Variants in LRGUK observed in about 807,000 individuals in gnomAD.
LRGUK encodes leucine rich repeats and guanylate kinase domain containing.
Under a neutral mutation model 76.0 loss-of-function variants are expected in LRGUK, and 65 were observed. That is an observed-to-expected ratio of 0.85 (90% CI 0.70 to 1.05). LRGUK has a LOEUF of 1.05. Among genes scored for constraint, LRGUK ranks in the 50% least tolerant of loss-of-function variants. The pLI, the probability that LRGUK is intolerant of heterozygous loss-of-function variation, is 0.00. For synonymous variants in LRGUK, 268 were observed against 265.6 expected (o/e 1.01, Z -0.09); for missense variants, 758 against 732.8 (o/e 1.03, Z -0.40).
rs1421274423 is a variant in LRGUK at position 134,183,735 on chromosome 7, A to G, written c.1216A>G (p.Thr406Ala). ...ACTGACTCTGGTCCTGTGTTGTAGCACTCTTCCCAGCCTGGATGCCCCTTA... is the reference window on the plus strand; with the variant it reads ...ACTGACTCTGGTCCTGTGTTGTAGCGCTCTTCCCAGCCTGGATGCCCCTTA... Residue 406 changes from threonine (T) to alanine (A), a missense_variant and splice_region_variant, in exon 11 of 16, where the codon ACT (threonine) becomes GCT (alanine). Physicochemically the swap from Thr to Ala is moderately conservative, Grantham distance 58. Coordinates refer to ENST00000645682, the Ensembl canonical transcript of LRGUK. The G allele has an allele frequency of 1.9e-6, 3 of 1,613,546 alleles. No individual in the cohort carries two copies. In the African/African-American group the frequency reaches 4.0e-5, roughly 22 times the overall value.
At position 134,148,332 on chromosome 7, in the gene LRGUK, T is replaced by G. The variant is rs770335848; in HGVS notation, c.670+13T>G. 3 of 1,465,990 alleles carry G rather than the reference T, an allele frequency of 2.0e-6. No individual in the cohort carries two copies. The South Asian group carries it at 3.6e-5, about 18-fold the overall frequency. The allele number at this position is 1,465,990 out of a possible 1,614,324, so 90.8% of individuals were successfully genotyped here. A position where few individuals can be genotyped will look rare whatever the true frequency, so the allele number is the denominator to read the frequency against. On this transcript the variant is annotated intron_variant, in intron 5 of 15. Coordinates refer to ENST00000645682, the Ensembl canonical transcript of LRGUK. ...CTAATTTTGGATGGTATCCTTTGAA[T>G]AAGTAAAGGGGAAAATTTTAAAAAC...
At chr7:134,273,614 A>G in the LRGUK span, among the ~76,000 whole-genome samples, 2 of 151,890 alleles carry the variant, frequency 1.3e-5, no homozygotes, top group South Asian at 2.1e-4. Context: ...ATTTTGGCAA[A>G]TTTTTTAATT....
At chr7:134,136,720 A>G (rs1797554379) in intron 1 of LRGUK, among the ~76,000 whole-genome samples, 3 of 152,200 alleles carry the variant, frequency 2.0e-5, no homozygotes. Flanking sequence ...GAACCCCTCA[A>G]TCAATACCAC....
Position 134,148,158 on chromosome 7 carries a change from T to G in LRGUK, c.589-80T>G. ...TCTAACTCTACATTCAAAAATACCT[T>G]CTTCTTGCACAGTTAATTATTGTGG... On this transcript the variant is annotated intron_variant, in intron 4 of 15. Coordinates refer to ENST00000645682, the Ensembl canonical transcript of LRGUK. 5.7e-6 allele frequency: 5 copies of G among 874,796 alleles called. No individual in the cohort carries two copies. The South Asian group carries it at 7.4e-5, about 13-fold the overall frequency. The allele number at this position is 874,796 out of a possible 1,614,324, so 54.2% of individuals were successfully genotyped here. A position where few individuals can be genotyped will look rare whatever the true frequency, so the allele number is the denominator to read the frequency against.
intron 19 of LRGUK, 148 bp downstream of exon 19, chr7:134,258,553 G>T (rs1259809226): frequency 1.5e-6 from 1 of 676,492 alleles, no homozygotes; most frequent in African/African-American, 1.8e-5. Context: ...CAAAAAATTG[G>T]CCAGGTGTGG....
chr7:134,129,675 A>G (rs1357253152), intron 1 of LRGUK, among the ~76,000 whole-genome samples: 1 of 151,306 alleles, frequency 6.6e-6, no homozygotes, highest in Non-Finnish European at 1.5e-5. Context: ...GGGCCTTGCC[A>G]TATTGCCTAG....
intron 11 of LRGUK, among the ~76,000 whole-genome samples, chr7:134,185,073 C>T (rs1032709910): frequency 8.5e-5 from 13 of 152,190 alleles, no homozygotes; most frequent in African/African-American, 2.9e-4. Context: ...GCAAGTTTTT[C>T]TTTTTCTTTC....
chr7:134,213,134 C>G (rs538642898), downstream of LRGUK, among the ~76,000 whole-genome samples: 1 of 152,102 alleles, frequency 6.6e-6, no homozygotes, highest in Admixed American at 6.6e-5. Context: ...TCTAAGGACC[C>G]GAATGCCAGG....
the LRGUK span, among the ~76,000 whole-genome samples, chr7:134,273,124 C>T: frequency 2.6e-5 from 4 of 152,160 alleles, no homozygotes; most frequent in Non-Finnish European, 4.4e-5. Context: ...ACTTTGGTTC[C>T]CTTCATGAAA....
At chr7:134,233,125 T>C (rs1801939957) in intron 16 of LRGUK, among the ~76,000 whole-genome samples, 1 of 152,250 alleles carries the variant, frequency 6.6e-6, no homozygotes, top group South Asian at 2.1e-4. Flanking sequence ...TCTAAGTGTC[T>C]AAGTTCTTTT....
In LRGUK at chr7:134,155,107, A is replaced by G. The variant is rs182319276; in HGVS notation, c.671-2928A>G. ...AGTACTCCTAAAATAGGACTTAAAC[A>G]TGATTTCTGTCTCTGCTAAACTGAG... On this transcript the variant is annotated intron_variant, in intron 5 of 15. Coordinates refer to ENST00000645682, the Ensembl canonical transcript of LRGUK. Among the ~76,000 whole-genome samples, 14 of 152,302 alleles carry G rather than the reference A, an allele frequency of 9.2e-5. No individual in the cohort carries two copies. The East Asian group carries it at 2.7e-3, about 29-fold the overall frequency.
chr7:134,135,894 G>A (rs1206416642), intron 1 of LRGUK, among the ~76,000 whole-genome samples: 2 of 152,128 alleles, frequency 1.3e-5, no homozygotes, highest in Admixed American at 6.5e-5. Context: ...CTGACCTTGC[G>A]AACCGCCCAC....
rs3030443 is a variant in LRGUK, at chr7:134,262,970, CAAAAAAA to C, written c.2348-858_2348-852del. On this transcript the variant is annotated intron_variant, in intron 19 of 19. Transcript: ENST00000285928. ...TAGGTGACAGAGCGAGACCTGGTCT[CAAAAAAA>C]AAAAAAAAAAAAAAAAGGAGGAGTT... Among the ~76,000 whole-genome samples, 120 of 89,932 alleles carry C rather than the reference CAAAAAAA, an allele frequency of 1.3e-3. 1 individual carries two copies. The highest frequency in any genetic ancestry group is 2.7e-3 in the African/African-American group (53 of 19,938). 59.0% of individuals were successfully genotyped at this position (89,932 alleles called of 152,430 possible).
intron 6 of LRGUK, among the ~76,000 whole-genome samples, chr7:134,159,996 A>C (rs1447516056): frequency 1.3e-5 from 2 of 152,244 alleles, no homozygotes; most frequent in African/African-American, 4.8e-5. Context: ...AAAATGTTTA[A>C]GTTAGAAAAG....
chr7:134,226,919 G>A (rs974149885), intron 16 of LRGUK, among the ~76,000 whole-genome samples: 1 of 152,140 alleles, frequency 6.6e-6, no homozygotes, highest in African/African-American at 2.4e-5. Flanking sequence ...GCGATCATCA[G>A]CATCCCTGTA....
intron 9 of LRGUK, 83 bp from the exon 10 acceptor site, chr7:134,178,420 T>C: frequency 9.9e-7 from 1 of 1,008,090 alleles, no homozygotes; most frequent in Non-Finnish European, 1.5e-6. Flanking sequence ...GTGAACAACA[T>C]TTCATTAAGG....
intron 18 of LRGUK, among the ~76,000 whole-genome samples, chr7:134,253,355 T>A (rs1389449658): frequency 2.0e-5 from 3 of 152,154 alleles, no homozygotes; most frequent in African/African-American, 7.2e-5. Flanking sequence ...TTAGCTGTTG[T>A]TAATGAAAGA....
rs183267810 is a variant in LRGUK, at chr7:134,147,795, C to T, written c.589-443C>T. On this transcript the variant is annotated intron_variant, in intron 4 of 15. Coordinates refer to ENST00000645682, the Ensembl canonical transcript of LRGUK. ...ATGATTAAATGATCGGGTGTGGTGG[C>T]TCATGCCTGTAATCCCAGCACTTTG... is the stretch of plus-strand genomic sequence containing the variant. Among the ~76,000 whole-genome samples the T allele has an allele frequency of 7.6e-3, 1,157 of 152,182 alleles. 13 individuals are homozygous for T. Among genetic ancestry groups the T allele is most frequent in the Non-Finnish European group, 0.011 (744 of 68,022 alleles).
chr7:134,155,687 G>A (rs550410511), intron 5 of LRGUK, among the ~76,000 whole-genome samples: 1 of 152,278 alleles, frequency 6.6e-6, no homozygotes, highest in Admixed American at 6.5e-5. Context: ...TTATAATTGT[G>A]AGGTGATTTA....
Sources: allele counts gnomAD v4.1 joint callset (sites outside exome capture counted in the v4.1 genomes callset), GRCh38; gene constraint gnomAD v4.1.1; transcripts MANE v1.5; gene names NCBI Gene and HGNC (gene_info 2026-07-23, HGNC 2026-07-21).